The following ZNF354B variants were observed in gnomAD, a reference collection of about 807,000 sequenced individuals.
ZNF354B encodes zinc finger protein 354B.
ZNF354B carries 10 observed loss-of-function variants against 12.9 expected under a neutral mutation model. The ratio of observed to expected loss-of-function variants is 0.77; its 90% CI spans 0.48 to 1.31. The LOEUF is 1.31. Ranked by LOEUF, ZNF354B falls within the 40% of genes most tolerant of loss-of-function variation. The pLI, the probability that ZNF354B is intolerant of heterozygous loss-of-function variation, is 0.00. For synonymous variants in ZNF354B, 260 were observed against 243.7 expected (o/e 1.07, Z -0.62); for missense variants, 614 against 711.7 (o/e 0.86, Z 1.56).
chr5:178,879,626 G>A (rs964840935), intron 4 of ZNF354B, among the ~76,000 whole-genome samples: 29 of 152,114 alleles, frequency 1.9e-4, no homozygotes, highest in Admixed American at 3.9e-4. Flanking sequence ...TGATCTGCCC[G>A]TCTCAGCCTC....
At chr5:178,861,925 G>T (rs1298806279) in intron 2 of ZNF354B, among the ~76,000 whole-genome samples, 2 of 152,192 alleles carry the variant, frequency 1.3e-5, no homozygotes, top group Non-Finnish European at 2.9e-5. Context: ...AAAGTGTTCG[G>T]ATCAGGGCTG....
chr5:178,866,938 A>G (rs1166491777), intron 3 of ZNF354B, 38 bp from the exon 4 acceptor site: 5 of 1,597,962 alleles, frequency 3.1e-6, no homozygotes, highest in East Asian at 2.2e-5. Context: ...GTCAAAACGA[A>G]GACTGAGACT....
chr5:178,862,871 T>G (rs193116249), intron 2 of ZNF354B, among the ~76,000 whole-genome samples: 22,526 of 152,154 alleles, frequency 0.15, 2,025 homozygotes, highest in African/African-American at 0.25. Context: ...TGTTCTTGCT[T>G]GCCATGCGTC....
chr5:178,884,011 A>G lies in ZNF354B; in HGVS notation c.1559A>G (p.Lys520Arg). The change falls in exon 5 of 5, where the codon AAA (lysine) becomes AGA (arginine). Residue 520 changes from lysine to arginine, a missense_variant. Lys to Arg is a conservative substitution (Grantham distance 26). Transcript: ENST00000322434. The stretch of plus-strand genomic sequence containing the variant: ...CACCAGAGAATTCATACTGGAGAGA[A>G]ACCATATCGATGTTTAGAATGTGGG... ...SNHQRIHTGE[K>R]PYRCLECGMS... 6.2e-7 allele frequency: 1 copy of G among 1,614,162 alleles called. No individual in the cohort carries two copies. Among genetic ancestry groups the G allele is most frequent in the Non-Finnish European group, 8.5e-7 (1 of 1,180,006 alleles).
chr5:178,883,560 C>G lies in ZNF354B; in HGVS notation c.1108C>G (p.Arg370Gly). 1.2e-6 allele frequency: 2 copies of G among 1,613,972 alleles called. No homozygotes were observed. The highest frequency in any genetic ancestry group is 1.7e-6 in the Non-Finnish European group (2 of 1,179,952). Reference protein sequence around the residue: ...GNTFKSSSSLRYHQRIHTGEK... With the variant: ...GNTFKSSSSLGYHQRIHTGEK... ...CACCTTTAAGTCTAGCTCATCCCTT[C>G]GTTATCATCAGAGAATTCACACTGG... Residue 370 changes from arginine (R) to glycine (G), a missense_variant, in exon 5 of 5, where the codon CGT (arginine) becomes GGT (glycine). By Grantham distance (125) the Arg-to-Gly change is moderately radical. Coordinates refer to ENST00000322434, the MANE Select transcript of ZNF354B (RefSeq NM_058230.3).
In ZNF354B at chr5:178,867,076, G is replaced by C. The variant is rs372297953; in HGVS notation, c.256+5G>C. 1.2e-6 allele frequency: 2 copies of C among 1,612,304 alleles called. No homozygotes were observed. The highest frequency in any genetic ancestry group is 8.5e-7 in the Non-Finnish European group (1 of 1,179,446). On this transcript the variant is annotated splice_donor_5th_base_variant and intron_variant, in intron 4 of 4. Coordinates refer to ENST00000322434, the MANE Select transcript of ZNF354B (RefSeq NM_058230.3). Reference sequence around the variant, plus strand: ...GTTCTGGTGTCTCCTCTCTAGGTAAGTGGGTGGCCCGAGGTGCTCGGGAAT... The same window carrying C: ...GTTCTGGTGTCTCCTCTCTAGGTAACTGGGTGGCCCGAGGTGCTCGGGAAT...
chr5:178,876,494 C>G (rs1366174858), intron 4 of ZNF354B, among the ~76,000 whole-genome samples: 1 of 152,212 alleles, frequency 6.6e-6, no homozygotes, highest in African/African-American at 2.4e-5. Context: ...GCTGGTGTGA[C>G]CATGCGAGGG....
In ZNF354B at chr5:178,883,704, G is replaced by A; in HGVS notation, c.1252G>A (p.Gly418Ser). 1 of 1,614,124 alleles carries A rather than the reference G, an allele frequency of 6.2e-7. No homozygotes were observed. The highest frequency in any genetic ancestry group is 1.1e-5 in the South Asian group (1 of 91,068). Residue 418 changes from glycine (G) to serine (S), a missense_variant, in exon 5 of 5, where the codon GGC (glycine) becomes AGC (serine). Transcript: ENST00000322434. The stretch of plus-strand genomic sequence containing the variant: ...CTATAGATGCAATGAATGTGGGAAA[G>A]GCTTTACTTCTATTTCACGACTTAA... ...KPYRCNECGK[G>S]FTSISRLNRH...
intron 4 of ZNF354B, among the ~76,000 whole-genome samples, chr5:178,871,130 G>T (rs145272935): frequency 6.6e-6 from 1 of 151,990 alleles, no homozygotes; most frequent in East Asian, 1.9e-4. Context: ...CAAAATCTCC[G>T]TTGGTTTCCA....
intron 4 of ZNF354B, among the ~76,000 whole-genome samples, chr5:178,875,604 C>T (rs1177576184): frequency 6.6e-6 from 1 of 152,196 alleles, no homozygotes; most frequent in Non-Finnish European, 1.5e-5. Flanking sequence ...TTGCCTCTGT[C>T]AGCTCCACCT....
At chr5:178,878,206 A>ACCC (rs1757665593) in intron 4 of ZNF354B, among the ~76,000 whole-genome samples, 3 of 151,872 alleles carry the variant, frequency 2.0e-5, no homozygotes, top group African/African-American at 7.2e-5. Context: ...ACATGGTGAA[A>ACCC]CCCCGTCTCT....
intron 2 of ZNF354B, among the ~76,000 whole-genome samples, chr5:178,864,814 G>T (rs553809977): frequency 6.6e-6 from 1 of 151,990 alleles, no homozygotes; most frequent in South Asian, 2.1e-4. Context: ...GTAGAGACAG[G>T]GTTTCACCGT....
At chr5:178,874,449 T>C (rs187820041) in intron 4 of ZNF354B, among the ~76,000 whole-genome samples, 143 of 152,350 alleles carry the variant, frequency 9.4e-4, no homozygotes, top group Admixed American at 3.0e-3. Flanking sequence ...TTTATTCTTT[T>C]TCTTTATTTT....
intron 4 of ZNF354B, among the ~76,000 whole-genome samples, chr5:178,871,145 A>G (rs1757557582): frequency 6.6e-6 from 1 of 152,126 alleles, no homozygotes; most frequent in Non-Finnish European, 1.5e-5. Context: ...TTTCCATCCC[A>G]TACAGTATAG....
chr5:178,866,982 C>A lies in ZNF354B; in HGVS notation c.167C>A (p.Ser56Ter), dbSNP rs1222264934. ...NYRNLVSLGL[S>*]FTKPKVISLL... is the part of the protein sequence containing the mutation. ...TGTTGTTGTTTATGTGCAGGACTCT[C>A]ATTTACCAAACCAAAAGTCATCTCC... Residue 56 changes from serine (S) to a stop codon, truncating the protein, a stop_gained, in exon 4 of 5, where the codon TCA (serine) becomes TAA (stop). Transcript: ENST00000322434. LOFTEE classifies it high-confidence loss of function. The A allele has an allele frequency of 6.2e-7, 1 of 1,613,974 alleles. No homozygotes were observed. The highest frequency in any genetic ancestry group is 8.5e-7 in the Non-Finnish European group (1 of 1,179,882).
At chr5:178,874,474 G>T (rs1229663339) in intron 4 of ZNF354B, among the ~76,000 whole-genome samples, 1 of 151,956 alleles carries the variant, frequency 6.6e-6, no homozygotes, top group East Asian at 1.9e-4. Context: ...TGTCTATCTG[G>T]CTGAGTTCAG....
chr5:178,861,040 A>T lies in ZNF354B; in HGVS notation c.-8A>T. ...GCGCCGTCCTCCCGGGAGAGCCAGA[A>T]AGAGGACATGGCTGCTGGGCAGCGG... On this transcript the variant is annotated 5_prime_UTR_variant, in exon 2 of 5. Transcript: ENST00000322434. The T allele has an allele frequency of 8.9e-7, 1 of 1,127,936 alleles. No homozygotes were observed. The highest frequency in any genetic ancestry group is 2.5e-5 in the East Asian group (1 of 39,240). The allele number at this position is 1,127,936 out of a possible 1,614,324, so 69.9% of individuals were successfully genotyped here.
Position 178,882,997 on chromosome 5 carries a change from A to G in ZNF354B, c.545A>G (p.Glu182Gly). The G allele has an allele frequency of 1.2e-6, 2 of 1,607,570 alleles. No homozygotes were observed. Among genetic ancestry groups the G allele is most frequent in the Non-Finnish European group, 1.7e-6 (2 of 1,178,530 alleles). ...ATTAAGCAACAGAGATTTGCTAAAG[A>G]AAAAACTCCATCAAAATGTGAAATA... ...VFIKQQRFAK[E>G]KTPSKCEIQR... Residue 182 changes from glutamate to glycine, a missense_variant, in exon 5 of 5, where the codon GAA (glutamate) becomes GGA (glycine). Transcript: ENST00000322434.
At chr5:178,879,808 A>T (rs1225360010) in intron 4 of ZNF354B, among the ~76,000 whole-genome samples, 1 of 152,230 alleles carries the variant, frequency 6.6e-6, no homozygotes, top group Non-Finnish European at 1.5e-5. Flanking sequence ...TAGTTTTGTT[A>T]TGGAAAAGTT....
Sources: allele counts gnomAD v4.1 joint callset (sites outside exome capture counted in the v4.1 genomes callset), GRCh38; gene constraint gnomAD v4.1.1; transcripts MANE v1.5; gene names NCBI Gene and HGNC (gene_info 2026-07-23, HGNC 2026-07-21).